LONRF2: variants seen among roughly 807,000 people sequenced by gnomAD.
LONRF2 encodes LON peptidase N-terminal domain and ring finger 2, also known as LON peptidase N-terminal domain and RING finger protein 2.
A neutral mutation model predicts 66.6 loss-of-function variants in LONRF2; 35 were observed. The ratio of observed to expected loss-of-function variants is 0.53; its 90% CI spans 0.40 to 0.70. The LOEUF is 0.70. LONRF2 is among the 30% of genes least tolerant of loss of function. The pLI is 0.00. For synonymous variants in LONRF2, 417 were observed against 418.1 expected (o/e 1.00, Z 0.03); for missense variants, 902 against 1,002.1 (o/e 0.90, Z 1.35).
chr2:100,314,465 T>A (rs1675467352), intron 1 of LONRF2, among the ~76,000 whole-genome samples: 1 of 152,220 alleles, frequency 6.6e-6, no homozygotes. Context: ...GTACTTACTG[T>A]GTTTAGACAG....
chr2:100,317,418 A>G (rs182740715), intron 1 of LONRF2, among the ~76,000 whole-genome samples: 1 of 152,336 alleles, frequency 6.6e-6, no homozygotes, highest in East Asian at 1.9e-4. Flanking sequence ...ACAACAATTT[A>G]ACTGTATTTA....
intron 1 of LONRF2, among the ~76,000 whole-genome samples, chr2:100,312,359 A>C (rs1362065752): frequency 6.6e-6 from 1 of 152,058 alleles, no homozygotes; most frequent in East Asian, 1.9e-4. Flanking sequence ...CACATTTATC[A>C]AATATTTGTC....
chr2:100,305,595 G>A (rs1281252125), intron 2 of LONRF2, among the ~76,000 whole-genome samples: 1 of 152,096 alleles, frequency 6.6e-6, no homozygotes, highest in African/African-American at 2.4e-5. Context: ...CTTGCTAACT[G>A]TCTATTCACA....
Position 100,278,790 on chromosome 2 carries a change from T to A in LONRF2, c.*5508A>T, listed in dbSNP as rs1367738593. Reference sequence around the variant, plus strand: ...TAACTTTGTCCCAGATATTAAAACCTCTGCCCTAGCGATGTCCACGGGCTA... The same window carrying A: ...TAACTTTGTCCCAGATATTAAAACCACTGCCCTAGCGATGTCCACGGGCTA... On this transcript the variant is annotated 3_prime_UTR_variant, in exon 12 of 12. Transcript: ENST00000393437. 6.6e-6 allele frequency: 1 copy of A among 152,162 alleles called. No individual in the cohort carries two copies. The highest frequency in any genetic ancestry group is 1.5e-5 in the Non-Finnish European group (1 of 68,062). The allele number at this position is 152,162 out of a possible 1,614,324, so 9.4% of individuals were successfully genotyped here. A position where few individuals can be genotyped will look rare whatever the true frequency, so the allele number is the denominator to read the frequency against.
rs1181089597 is a variant in LONRF2, at chr2:100,300,664, C to A, written c.1045G>T (p.Gly349Cys). 1 of 1,611,974 alleles carries A rather than the reference C, an allele frequency of 6.2e-7. No individual in the cohort carries two copies. The highest frequency in any genetic ancestry group is 8.5e-7 in the Non-Finnish European group (1 of 1,179,484). ...HMNAQALLEE[G>C]DAGSSENSSE... ...CATACCTCCGAGCTCCCTGCATCAC[C>A]TTCTTCCAGCAGAGCCTGGGCATTC... The change falls in exon 4 of 12, where the codon GGT (glycine) becomes TGT (cysteine). Residue 349 changes from glycine (G) to cysteine (C), a missense_variant. Around this residue, in one of 2 missense-constraint regions of LONRF2, gnomAD observed 585 missense variants for 569.9 expected, o/e 1.03. Transcript: ENST00000393437.
intron 10 of LONRF2, among the ~76,000 whole-genome samples, chr2:100,289,962 C>G (rs1331502317): frequency 6.6e-6 from 1 of 151,990 alleles, no homozygotes; most frequent in Non-Finnish European, 1.5e-5. Context: ...TTTAAATTAG[C>G]CATGTGTGGT....
chr2:100,296,839 T>C (rs1675078112), intron 7 of LONRF2, among the ~76,000 whole-genome samples: 1 of 152,240 alleles, frequency 6.6e-6, no homozygotes, highest in African/African-American at 2.4e-5. Context: ...CCAAGGGTTC[T>C]GGAGATTCAT....
Position 100,321,468 on chromosome 2 carries a change from C to G in LONRF2, c.626G>C (p.Arg209Pro). ...CAGCGCGGCCTCCGGCTGCTGCTGG[C>G]GCTGCAGGCTCCGCGCCTGGCCTGC... ...RLAGQARSLQ[R>P]QQQPEAALLR... Residue 209 changes from arginine (R) to proline (P), a missense_variant, in exon 1 of 12, where the codon CGC becomes CCC. By Grantham distance (103) the Arg-to-Pro change is moderately radical (BLOSUM62 -2). This residue lies in a region of LONRF2 where 585 missense variants were observed against 569.9 expected (regional missense o/e 1.03). Coordinates refer to ENST00000393437, the MANE Select transcript of LONRF2 (RefSeq NM_198461.4). The G allele has an allele frequency of 6.6e-7, 1 of 1,507,534 alleles. No individual in the cohort carries two copies. Among genetic ancestry groups the G allele is most frequent in the Non-Finnish European group, 8.8e-7 (1 of 1,139,460 alleles). The allele number at this position is 1,507,534 out of a possible 1,614,324, so 93.4% of individuals were successfully genotyped here.
intron 7 of LONRF2, among the ~76,000 whole-genome samples, chr2:100,298,471 G>A (rs1675115127): frequency 6.6e-6 from 1 of 152,168 alleles, no homozygotes; most frequent in Non-Finnish European, 1.5e-5. Context: ...AAATGATCAA[G>A]TCTTCAATCC....
chr2:100,282,350 T>C lies in LONRF2; in HGVS notation c.*1948A>G, dbSNP rs1345034948. ...GGCTCGTGGAGAAGCTGTGATCACA[T>C]TGTGGTTATTTAGATACTTCCAAAT... On this transcript the variant is annotated 3_prime_UTR_variant, in exon 12 of 12. Transcript: ENST00000393437. 2 of 152,216 alleles carry C rather than the reference T, an allele frequency of 1.3e-5. No homozygotes were observed. The highest frequency in any genetic ancestry group is 2.9e-5 in the Non-Finnish European group (2 of 68,034). The allele number at this position is 152,216 out of a possible 1,614,324, so 9.4% of individuals were successfully genotyped here.
At chr2:100,289,811 G>A (rs904833754) in intron 10 of LONRF2, among the ~76,000 whole-genome samples, 1 of 152,168 alleles carries the variant, frequency 6.6e-6, no homozygotes, top group African/African-American at 2.4e-5. Context: ...ATAAATAACT[G>A]CTGAAGGCAG....
In LONRF2 at chr2:100,321,482, C is replaced by T; in HGVS notation, c.612G>A (p.Ala204=). The T allele has an allele frequency of 6.6e-7, 1 of 1,520,232 alleles. No homozygotes were observed. Among genetic ancestry groups the T allele is most frequent in the Non-Finnish European group, 8.7e-7 (1 of 1,145,728 alleles). The allele number at this position is 1,520,232 out of a possible 1,614,324, so 94.2% of individuals were successfully genotyped here. ...ECRLRRLAGQ[A]RSLQRQQQPE... ...GCTGCTGCTGGCGCTGCAGGCTCCG[C>T]GCCTGGCCTGCCAGCCTGCGCAGCC... Residue 204 remains alanine, a synonymous_variant, in exon 1 of 12, where the codon GCG becomes GCA. Coordinates refer to ENST00000393437, the MANE Select transcript of LONRF2 (RefSeq NM_198461.4).
rs955068084 is a variant in LONRF2 at position 100,282,086 on chromosome 2, A to C, written c.*2212T>G. 2.0e-5 allele frequency: 3 copies of C among 152,208 alleles called. No homozygotes were observed. The highest frequency in any genetic ancestry group is 4.8e-5 in the African/African-American group (2 of 41,454). 9.4% of individuals were successfully genotyped at this position (152,208 alleles called of 1,614,324 possible). On this transcript the variant is annotated 3_prime_UTR_variant, in exon 12 of 12. Transcript: ENST00000393437. ...TAGTTAATTCCCTCTGGTATCAAAA[A>C]AATAAAAACCTATCAAAAAATAAAA...
rs397776184 is a variant in LONRF2, at chr2:100,283,592, T to TAA, written c.*705_*706insTT. On this transcript the variant is annotated 3_prime_UTR_variant, in exon 12 of 12. Coordinates refer to ENST00000393437, the MANE Select transcript of LONRF2 (RefSeq NM_198461.4). ...TTGTGTGTAAATATATATATATATA[T>TAA]CCTCAAGTGAATGATACTGTTCTCA... is the stretch of plus-strand genomic sequence containing the variant. 6.6e-6 allele frequency: 1 copy of TAA among 151,706 alleles called. No homozygotes were observed. Among genetic ancestry groups the TAA allele is most frequent in the African/African-American group, 2.4e-5 (1 of 41,230 alleles). The allele number at this position is 151,706 out of a possible 1,614,324, so 9.4% of individuals were successfully genotyped here.
intron 1 of LONRF2, among the ~76,000 whole-genome samples, chr2:100,312,190 T>G (rs575155368): frequency 4.6e-5 from 7 of 152,336 alleles, no homozygotes; most frequent in Non-Finnish European, 7.4e-5. Context: ...TCAATTTTTT[T>G]GAAGGCTTTT....
rs1264301066 is a variant in LONRF2, at chr2:100,322,132, C to G, written c.-39G>C. 1 of 1,233,220 alleles carries G rather than the reference C, an allele frequency of 8.1e-7. No individual in the cohort carries two copies. Among genetic ancestry groups the G allele is most frequent in the East Asian group, 3.3e-5 (1 of 30,704 alleles). The allele number at this position is 1,233,220 out of a possible 1,614,324, so 76.4% of individuals were successfully genotyped here. ...CGACGACGCGGGTCCGGAGCGAAGG[C>G]GCGGAGCAGGGAGGATGCGCTGCTG... On this transcript the variant is annotated 5_prime_UTR_variant, in exon 1 of 12. Transcript: ENST00000393437.
chr2:100,290,474 C>A (rs890648456), intron 9 of LONRF2, 54 bp from the exon 10 acceptor site: 1 of 1,535,764 alleles, frequency 6.5e-7, no homozygotes, highest in Non-Finnish European at 8.8e-7. Flanking sequence ...AGGGGGCCTT[C>A]TTTTTCCCTG....
At chr2:100,308,166 G>GA (rs1206281030) in intron 2 of LONRF2, among the ~76,000 whole-genome samples, 1 of 152,008 alleles carries the variant, frequency 6.6e-6, no homozygotes, top group African/African-American at 2.4e-5. Flanking sequence ...TCAGGAGATC[G>GA]AGACCATCCT....
rs1024029094 is a variant in LONRF2 at position 100,273,834 on chromosome 2, A to G, written c.*10464T>C. 6.6e-6 allele frequency: 1 copy of G among 152,234 alleles called. No homozygotes were observed. Among genetic ancestry groups the G allele is most frequent in the Non-Finnish European group, 1.5e-5 (1 of 68,032 alleles). 9.4% of individuals were successfully genotyped at this position (152,234 alleles called of 1,614,324 possible). Reference sequence around the variant, plus strand: ...CAACTCTAAAATTAAGATGCTAATGACACCACTCTCCACTAGCATGAAAGA... The same window carrying G: ...CAACTCTAAAATTAAGATGCTAATGGCACCACTCTCCACTAGCATGAAAGA... On this transcript the variant is annotated 3_prime_UTR_variant, in exon 12 of 12. Coordinates refer to ENST00000393437, the MANE Select transcript of LONRF2 (RefSeq NM_198461.4).
Sources: allele counts gnomAD v4.1 joint callset (sites outside exome capture counted in the v4.1 genomes callset), GRCh38; gene constraint gnomAD v4.1.1; regional missense constraint gnomAD v4.1.1; transcripts MANE v1.5; gene names NCBI Gene and HGNC (gene_info 2026-07-23, HGNC 2026-07-21).